ERBB4: variants seen among roughly 807,000 people sequenced by gnomAD.
The protein encoded by ERBB4 is receptor tyrosine-protein kinase erbB-4.
In ERBB4, 42 loss-of-function variants were observed where a neutral mutation model predicts 158.0. The ratio of observed to expected loss-of-function variants is 0.27; its 90% confidence interval spans 0.21 to 0.34. ERBB4 has a LOEUF of 0.34. Ranked by LOEUF, ERBB4 falls within the 10% of genes least tolerant of loss-of-function variation. ERBB4 has a pLI of 1.00. For synonymous variants in ERBB4, 583 were observed against 558.7 expected (o/e 1.04, Z -0.61); for missense variants, 1,333 against 1,624.1 (o/e 0.82, Z 3.08).
intron 3 of ERBB4, among the ~76,000 whole-genome samples, chr2:211,804,585 C>T (rs1002843191): frequency 3.9e-5 from 6 of 152,176 alleles, no homozygotes; most frequent in Admixed American, 1.3e-4. Context: ...CTAGTATGCT[C>T]TCAGCCAGAA....
intron 9 of ERBB4, among the ~76,000 whole-genome samples, chr2:211,711,491 C>T (rs927446915): frequency 2.0e-5 from 3 of 152,166 alleles, no homozygotes; most frequent in African/African-American, 7.2e-5. Flanking sequence ...AATCACGTTG[C>T]AATTTGTATT....
rs768289370 is a variant in ERBB4 at position 211,413,305 on chromosome 2, T to TAAAAAAAAAAAAAACA, written c.3135+7135_3135+7136insTGTTTTTTTTTTTTTT. On this transcript the variant is annotated intron_variant, in intron 25 of 27. Transcript: ENST00000342788. Reference sequence around the variant, plus strand: ...TTGGGGACAGAGAGAGACCCTGTCTTAAAAACACACACACACACACACACA... The same window carrying TAAAAAAAAAAAAAACA: ...TTGGGGACAGAGAGAGACCCTGTCTTAAAAAAAAAAAAAACAAAAAACACACACACACACACACACA... Among the ~76,000 whole-genome samples the TAAAAAAAAAAAAAACA allele has an allele frequency of 3.5e-5, 2 of 56,936 alleles. 1 individual carries two copies. Among genetic ancestry groups the TAAAAAAAAAAAAAACA allele is most frequent in the Non-Finnish European group, 7.3e-5 (2 of 27,548 alleles). The allele number at this position is 56,936 out of a possible 152,430, so 37.4% of individuals were successfully genotyped here.
At chr2:212,424,472 CTTATT>C (rs2091862291) in intron 1 of ERBB4, among the ~76,000 whole-genome samples, 1 of 152,090 alleles carries the variant, frequency 6.6e-6, no homozygotes, top group South Asian at 2.1e-4. Flanking sequence ...TAAAAGCCCA[CTTATT>C]TTTTCTCCCA....
At chr2:211,578,584 T>C (rs1222534205) in intron 19 of ERBB4, among the ~76,000 whole-genome samples, 1 of 152,126 alleles carries the variant, frequency 6.6e-6, no homozygotes, top group Non-Finnish European at 1.5e-5. Flanking sequence ...CAAAACAGTA[T>C]AGTACTGTTA....
intron 2 of ERBB4, among the ~76,000 whole-genome samples, chr2:212,121,176 T>C (rs1172510249): frequency 6.6e-6 from 1 of 152,210 alleles, no homozygotes; most frequent in Non-Finnish European, 1.5e-5. Flanking sequence ...CTACTAATAC[T>C]GAGCTCACCA....
chr2:212,157,418 C>T (rs2081073629), intron 1 of ERBB4, among the ~76,000 whole-genome samples: 1 of 151,964 alleles, frequency 6.6e-6, no homozygotes, highest in Non-Finnish European at 1.5e-5. Context: ...TTGAATTAAC[C>T]AGCAGGATTT....
At chr2:212,198,045 C>G (rs916103215) in intron 1 of ERBB4, among the ~76,000 whole-genome samples, 1 of 152,024 alleles carries the variant, frequency 6.6e-6, no homozygotes, top group African/African-American at 2.4e-5. Context: ...TCAAGTGATA[C>G]ATAATATGCC....
chr2:212,170,141 T>G (rs1397239335), intron 1 of ERBB4, among the ~76,000 whole-genome samples: 1 of 152,154 alleles, frequency 6.6e-6, no homozygotes, highest in East Asian at 1.9e-4. Context: ...TCATAGAGAC[T>G]TGTTGAATGG....
chr2:212,378,468 T>C (rs776985496), intron 1 of ERBB4, among the ~76,000 whole-genome samples: 5 of 151,990 alleles, frequency 3.3e-5, no homozygotes, highest in South Asian at 2.1e-4. Context: ...TACTTTCTTA[T>C]GTATGATATA....
At chr2:212,035,027 TTAGA>T (rs1487454257) in intron 2 of ERBB4, among the ~76,000 whole-genome samples, 1 of 152,188 alleles carries the variant, frequency 6.6e-6, no homozygotes, top group Non-Finnish European at 1.5e-5. Flanking sequence ...AGATAATAAC[TTAGA>T]TAGAGGCACC....
At chr2:212,207,135 C>A (rs2082788320) in intron 1 of ERBB4, among the ~76,000 whole-genome samples, 2 of 151,808 alleles carry the variant, frequency 1.3e-5, no homozygotes, top group South Asian at 2.1e-4. Flanking sequence ...TCCTCAAATT[C>A]TTTCATTTTG....
At chr2:211,756,340 G>A (rs773403317) in intron 4 of ERBB4, among the ~76,000 whole-genome samples, 2 of 152,174 alleles carry the variant, frequency 1.3e-5, no homozygotes, top group Non-Finnish European at 2.9e-5. Flanking sequence ...GAGAATTTCA[G>A]GCTGAATAGC....
At chr2:212,381,671 G>GA (rs1351708374) in intron 1 of ERBB4, among the ~76,000 whole-genome samples, 1 of 150,900 alleles carries the variant, frequency 6.6e-6, no homozygotes, top group East Asian at 1.9e-4. Flanking sequence ...ATTATGACCA[G>GA]AAAAAAATCA....
chr2:211,594,218 A>C (rs73078705), intron 19 of ERBB4, among the ~76,000 whole-genome samples: 7,895 of 152,050 alleles, frequency 0.052, 711 homozygotes, highest in African/African-American at 0.18. Flanking sequence ...GGGCTGATTG[A>C]CTGAGCTCAG....
intron 3 of ERBB4, among the ~76,000 whole-genome samples, chr2:211,918,639 G>C (rs1439256): frequency 0.88 from 133,676 of 152,204 alleles, 58,789 homozygotes; most frequent in East Asian, 0.92. Context: ...CCTAGTAGGA[G>C]TGTATTTCCC....
intron 4 of ERBB4, among the ~76,000 whole-genome samples, chr2:211,786,415 T>C (rs1274228560): frequency 6.6e-6 from 1 of 152,180 alleles, no homozygotes; most frequent in Non-Finnish European, 1.5e-5. Flanking sequence ...GGCAATCAAT[T>C]GGTAGTTAAT....
intron 1 of ERBB4, among the ~76,000 whole-genome samples, chr2:212,394,594 A>T (rs2090970713): frequency 6.6e-6 from 1 of 152,142 alleles, no homozygotes; most frequent in African/African-American, 2.4e-5. Context: ...GAGATCAGAA[A>T]AGATGTTTAC....
Position 211,871,333 on chromosome 2 carries a change from A to AAAAT in ERBB4, c.421+76093_421+76096dup, listed in dbSNP as rs370793116. ...GGGCAACATAGCAAAATCTATTTCT[A>AAAAT]AAATAAATAAATAAATACAATTTTG... On this transcript the variant is annotated intron_variant, in intron 3 of 27. Transcript: ENST00000342788. 4.6e-3 allele frequency among the ~76,000 whole-genome samples: 696 copies of AAAAT among 152,272 alleles called. 6 individuals carry two copies. The highest frequency in any genetic ancestry group is 0.016 in the African/African-American group (663 of 41,560).
At chr2:212,434,982 A>C (rs189233557) in intron 1 of ERBB4, among the ~76,000 whole-genome samples, 1 of 152,142 alleles carries the variant, frequency 6.6e-6, no homozygotes, top group Non-Finnish European at 1.5e-5. Context: ...CTGAAGCTGA[A>C]CTCAAGCTTT....
Sources: allele counts gnomAD v4.1 joint callset (sites outside exome capture counted in the v4.1 genomes callset), GRCh38; gene constraint gnomAD v4.1.1; transcripts MANE v1.5; gene names NCBI Gene and HGNC (gene_info 2026-07-23, HGNC 2026-07-21).